SDK1: variants seen among roughly 807,000 people sequenced by gnomAD.
The protein encoded by SDK1 is protein sidekick-1.
Under a neutral mutation model 245.5 loss-of-function variants are expected in SDK1, and 157 were observed. The observed-to-expected ratio is 0.64, with a 90% confidence interval of 0.56 to 0.73. The LOEUF is 0.73. SDK1 is among the 30% of genes least tolerant of loss of function. SDK1 has a pLI of 0.00. For synonymous variants in SDK1, 1,647 were observed against 1,278.5 expected, an observed-to-expected ratio of 1.29 and a Z score of -6.15; for missense variants, 3,583 against 3,002.3, an observed-to-expected ratio of 1.19 and a Z score of -4.52.
At chr7:3,992,003 G>A (rs1030111166) in intron 14 of SDK1, among the ~76,000 whole-genome samples, 2 of 152,234 alleles carry the variant, frequency 1.3e-5, no homozygotes, top group African/African-American at 2.4e-5. Context: ...CACTCAGCGT[G>A]TGCAAGTGGT....
chr7:4,139,651 G>GTGTGTGTGTATATGTATATA (rs1562872473), intron 28 of SDK1, among the ~76,000 whole-genome samples: 18 of 21,794 alleles, frequency 8.3e-4, no homozygotes, highest in Non-Finnish European at 1.4e-3. Context: ...GTGTGTATAT[G>GTGTGTGTGTATATGTATATA]TGTGTGTGTA....
At chr7:3,838,963 C>G (rs1035396365) in intron 5 of SDK1, among the ~76,000 whole-genome samples, 5 of 152,166 alleles carry the variant, frequency 3.3e-5, no homozygotes, top group African/African-American at 1.2e-4. Flanking sequence ...TTCGTTTGGG[C>G]AGAGGCACGT....
intron 40 of SDK1, among the ~76,000 whole-genome samples, chr7:4,228,833 C>T (rs980060053): frequency 7.9e-5 from 12 of 152,136 alleles, no homozygotes; most frequent in African/African-American, 1.2e-4. Flanking sequence ...CCACTGCACC[C>T]GGCCCTTGCT....
chr7:3,727,302 T>C (rs1239138955), intron 4 of SDK1, among the ~76,000 whole-genome samples: 1 of 152,208 alleles, frequency 6.6e-6, no homozygotes, highest in Non-Finnish European at 1.5e-5. Context: ...TCTTCTCATC[T>C]AATGTGTAAT....
intron 1 of SDK1, among the ~76,000 whole-genome samples, chr7:3,364,290 G>A (rs1267512430): frequency 6.6e-6 from 1 of 152,128 alleles, no homozygotes; most frequent in East Asian, 1.9e-4. Flanking sequence ...TAATTTTGAT[G>A]AAGTCAGATT....
chr7:3,972,528 G>A (rs1012054178), intron 12 of SDK1, among the ~76,000 whole-genome samples: 1 of 152,198 alleles, frequency 6.6e-6, no homozygotes, highest in South Asian at 2.1e-4. Context: ...GCCACCTTCA[G>A]GATAATTTTA....
chr7:3,765,257 T>C (rs1780221115), intron 4 of SDK1, among the ~76,000 whole-genome samples: 1 of 152,190 alleles, frequency 6.6e-6, no homozygotes, highest in South Asian at 2.1e-4. Context: ...GTTTGTTCCT[T>C]ATTATCAATA....
chr7:3,688,384 C>G (rs993113952), intron 4 of SDK1, among the ~76,000 whole-genome samples: 1 of 152,208 alleles, frequency 6.6e-6, no homozygotes, highest in African/African-American at 2.4e-5. Context: ...GTTAGTTAAT[C>G]TTTTGAGGTT....
rs902629516 is a variant in SDK1 at position 3,585,741 on chromosome 7, T to G, written c.299-33339T>G. 3.3e-5 allele frequency among the ~76,000 whole-genome samples: 5 copies of G among 152,066 alleles called. No individual in the cohort carries two copies. The South Asian group carries it at 1.0e-3, about 32-fold the overall frequency. On this transcript the variant is annotated intron_variant, in intron 1 of 44. Transcript: ENST00000404826. ...GTGGTTGCTAGACAGTACATCAGGA[T>G]TGAGCACAGCATAAGAGATGAAACG...
intron 4 of SDK1, among the ~76,000 whole-genome samples, chr7:3,801,225 T>A (rs1254448523): frequency 6.6e-6 from 1 of 152,236 alleles, no homozygotes; most frequent in African/African-American, 2.4e-5. Flanking sequence ...AATAGCTGAA[T>A]GTAATATTTC....
At chr7:3,624,446 G>A (rs1279466273) in intron 2 of SDK1, among the ~76,000 whole-genome samples, 2 of 152,048 alleles carry the variant, frequency 1.3e-5, no homozygotes, top group Admixed American at 1.3e-4. Flanking sequence ...TGATCTGCCA[G>A]CCTTGACCTC....
intron 4 of SDK1, among the ~76,000 whole-genome samples, chr7:3,766,150 AT>A (rs546814813): frequency 2.0e-5 from 3 of 152,172 alleles, no homozygotes; most frequent in African/African-American, 7.2e-5. Context: ...GACATCTTGA[AT>A]TTTTTGTGCA....
intron 2 of SDK1, among the ~76,000 whole-genome samples, chr7:3,630,957 A>T (rs1449551794): frequency 6.6e-6 from 1 of 151,938 alleles, no homozygotes; most frequent in East Asian, 1.9e-4. Context: ...GTTTTTGGAG[A>T]CAGGGTGTCA....
At chr7:3,502,735 A>G (rs1197785188) in intron 1 of SDK1, among the ~76,000 whole-genome samples, 2 of 152,168 alleles carry the variant, frequency 1.3e-5, no homozygotes, top group Admixed American at 6.5e-5. Flanking sequence ...GTATTTTGCT[A>G]TGTGTTTACA....
intron 1 of SDK1, among the ~76,000 whole-genome samples, chr7:3,569,516 C>G (rs914586283): frequency 1.3e-5 from 2 of 152,254 alleles, no homozygotes; most frequent in African/African-American, 2.4e-5. Flanking sequence ...CACGGCCCCT[C>G]AGGCCTGGCA....
At chr7:3,414,079 A>C (rs1779291909) in intron 1 of SDK1, among the ~76,000 whole-genome samples, 1 of 152,172 alleles carries the variant, frequency 6.6e-6, no homozygotes, top group African/African-American at 2.4e-5. Context: ...TGGCAGCAGC[A>C]GAGATAGCTA....
chr7:4,078,259 A>T (rs1204853310), intron 21 of SDK1, among the ~76,000 whole-genome samples: 1 of 152,298 alleles, frequency 6.6e-6, no homozygotes, highest in South Asian at 2.1e-4. Flanking sequence ...TAGTGGCTGG[A>T]GGCAAATCAA....
At chr7:4,193,180 G>A (rs1327524852) in intron 35 of SDK1, among the ~76,000 whole-genome samples, 9 of 124,938 alleles carry the variant, frequency 7.2e-5, no homozygotes, top group East Asian at 2.1e-4. Context: ...TTTATATATT[G>A]TATAAATATA....
At chr7:4,202,540 C>T (rs1474593368) in intron 35 of SDK1, among the ~76,000 whole-genome samples, 1 of 152,190 alleles carries the variant, frequency 6.6e-6, no homozygotes, top group African/African-American at 2.4e-5. Flanking sequence ...GCAGTCCTCC[C>T]TCAGTTGGAG....
Sources: gnomAD v4.1 joint callset for allele counts (sites outside exome capture counted in the v4.1 genomes callset) on GRCh38, gnomAD v4.1.1 for gene constraint, MANE v1.5 for transcripts, NCBI Gene and HGNC (gene_info 2026-07-23, HGNC 2026-07-21) for gene names.